BRINP2: variants seen among roughly 807,000 people sequenced by gnomAD.
BRINP2 encodes BMP/retinoic acid-inducible neural-specific protein 2.
A neutral mutation model predicts 69.2 loss-of-function variants in BRINP2; 21 were observed. That is an observed-to-expected ratio of 0.30 (90% CI 0.22 to 0.44). The LOEUF (loss-of-function observed/expected upper bound fraction) is 0.44, where lower values mean the gene tolerates loss of function less well. Among genes scored for constraint, BRINP2 ranks in the 20% least tolerant of loss-of-function variants. BRINP2 has a pLI of 1.00. For missense variants in BRINP2, 877 were observed against 986.0 expected, an observed-to-expected ratio of 0.89 and a Z score of 1.48; for synonymous variants, 380 against 394.1, an observed-to-expected ratio of 0.96 and a Z score of 0.42.
At position 177,230,030 on chromosome 1, in the gene BRINP2, C is replaced by G; in HGVS notation, c.154C>G (p.Gln52Glu). 6.2e-7 allele frequency: 1 copy of G among 1,613,806 alleles called. No individual in the cohort carries two copies. The highest frequency in any genetic ancestry group is 1.1e-5 in the South Asian group (1 of 91,070). ...VPEQHASVAG[Q>E]HPLDWLLTDR... ...CGAGCAGCATGCCTCCGTAGCTGGC[C>G]AGCATCCCCTGGACTGGCTGCTCAC... The change falls in exon 2 of 8, where the codon CAG becomes GAG. Residue 52 changes from glutamine (Q) to glutamate (E), a missense_variant. Physicochemically the swap from Gln to Glu is conservative, Grantham distance 29. Around this residue, in one of 3 missense-constraint regions of BRINP2, gnomAD observed 566 missense variants for 625.2 expected, o/e 0.91. Coordinates refer to ENST00000361539, the MANE Select transcript of BRINP2 (RefSeq NM_021165.4).
intron 1 of BRINP2, among the ~76,000 whole-genome samples, chr1:177,183,025 C>G (rs1490112560): frequency 6.7e-6 from 1 of 149,930 alleles, no homozygotes; most frequent in Non-Finnish European, 1.5e-5. Context: ...GGGCAGCATG[C>G]AAATGCTGTA....
At chr1:177,218,604 G>C (rs146824631) in intron 1 of BRINP2, among the ~76,000 whole-genome samples, 3 of 152,252 alleles carry the variant, frequency 2.0e-5, no homozygotes, top group Non-Finnish European at 4.4e-5. Flanking sequence ...AATGAGGTGA[G>C]AATGGGGTGA....
intron 1 of BRINP2, among the ~76,000 whole-genome samples, chr1:177,175,286 G>C (rs1571879450): frequency 7.1e-6 from 1 of 141,052 alleles, no homozygotes; most frequent in Non-Finnish European, 1.5e-5. Context: ...ATGGAAAAGC[G>C]GGGTGGGGGG....
intron 1 of BRINP2, among the ~76,000 whole-genome samples, chr1:177,199,157 GC>G (rs1648830739): frequency 6.6e-6 from 1 of 152,110 alleles, no homozygotes; most frequent in South Asian, 2.1e-4. Flanking sequence ...TCACCTTATT[GC>G]CCCCAAATGG....
At chr1:177,227,782 A>G (rs1649741513) in intron 1 of BRINP2, among the ~76,000 whole-genome samples, 1 of 152,032 alleles carries the variant, frequency 6.6e-6, no homozygotes, top group Non-Finnish European at 1.5e-5. Flanking sequence ...GCTTTTTTTC[A>G]TATACTAAGT....
At chr1:177,202,381 C>A (rs1212178046) in intron 1 of BRINP2, among the ~76,000 whole-genome samples, 4 of 152,154 alleles carry the variant, frequency 2.6e-5, no homozygotes, top group African/African-American at 7.2e-5. Flanking sequence ...GAATGTGTCC[C>A]AGAGATTCTG....
intron 1 of BRINP2, among the ~76,000 whole-genome samples, chr1:177,196,709 C>T (rs1045852256): frequency 6.6e-6 from 1 of 152,040 alleles, no homozygotes; most frequent in African/African-American, 2.4e-5. Context: ...GCTGTAGTTA[C>T]CTGTTTTAAT....
At chr1:177,200,079 G>A (rs1327721555) in intron 1 of BRINP2, among the ~76,000 whole-genome samples, 4 of 151,938 alleles carry the variant, frequency 2.6e-5, no homozygotes, top group African/African-American at 9.7e-5. Flanking sequence ...ATCATCTGTG[G>A]TCAGGAGTTC....
intron 2 of BRINP2, among the ~76,000 whole-genome samples, chr1:177,236,067 G>A (rs1325482977): frequency 1.3e-5 from 2 of 152,176 alleles, no homozygotes; most frequent in African/African-American, 2.4e-5. Context: ...CTGCAGTTCT[G>A]GTTACAGGCA....
chr1:177,256,910 A>G, intron 3 of BRINP2: 1 of 1,285,222 alleles, frequency 7.8e-7, no homozygotes, highest in Non-Finnish European at 1.0e-6. Flanking sequence ...TGCTTGAGAC[A>G]GAGTTCAATA....
At chr1:177,273,962 A>T (rs1447321306) in intron 5 of BRINP2, among the ~76,000 whole-genome samples, 20 of 152,208 alleles carry the variant, frequency 1.3e-4, no homozygotes, top group Admixed American at 1.3e-3. Context: ...TTTATCCTAA[A>T]GACACATTGA....
rs1649817926 is a variant in BRINP2, at chr1:177,230,042, G to A, written c.166G>A (p.Asp56Asn). Residue 56 changes from aspartate (D) to asparagine (N), a missense_variant, in exon 2 of 8, where the codon GAC (aspartate) becomes AAC (asparagine). Asp to Asn is a conservative substitution (Grantham distance 23). Coordinates refer to ENST00000361539, the MANE Select transcript of BRINP2 (RefSeq NM_021165.4). Reference protein sequence around the residue: ...HASVAGQHPLDWLLTDRGPFH... With the variant: ...HASVAGQHPLNWLLTDRGPFH... ...CTCCGTAGCTGGCCAGCATCCCCTG[G>A]ACTGGCTGCTCACAGACCGGGGCCC... 1.2e-6 allele frequency: 2 copies of A among 1,613,716 alleles called. No homozygotes were observed. The highest frequency in any genetic ancestry group is 2.7e-5 in the African/African-American group (2 of 74,930).
intron 1 of BRINP2, among the ~76,000 whole-genome samples, chr1:177,187,281 C>T (rs980692645): frequency 2.0e-5 from 3 of 152,176 alleles, no homozygotes; most frequent in East Asian, 3.9e-4. Context: ...ACGGCACATC[C>T]AGGCTGGCTG....
At chr1:177,230,808 T>G (rs1375637602) in intron 2 of BRINP2, among the ~76,000 whole-genome samples, 1 of 152,012 alleles carries the variant, frequency 6.6e-6, no homozygotes, top group Non-Finnish European at 1.5e-5. Flanking sequence ...AAAAATAGAG[T>G]GCTCCTCCAC....
chr1:177,216,511 A>G (rs1375430125), intron 1 of BRINP2, among the ~76,000 whole-genome samples: 1 of 152,074 alleles, frequency 6.6e-6, no homozygotes, highest in Non-Finnish European at 1.5e-5. Flanking sequence ...TGTACTAGGG[A>G]TAAAATTACT....
chr1:177,259,083 CAGTT>C (rs1217400525), intron 4 of BRINP2, among the ~76,000 whole-genome samples: 2 of 152,178 alleles, frequency 1.3e-5, no homozygotes, highest in Non-Finnish European at 2.9e-5. Flanking sequence ...TTGCAACAAA[CAGTT>C]AGCCAAGTTG....
chr1:177,204,157 A>AT (rs1649000780), intron 1 of BRINP2, among the ~76,000 whole-genome samples: 2 of 152,250 alleles, frequency 1.3e-5, no homozygotes, highest in Non-Finnish European at 2.9e-5. Context: ...TAGATGTATT[A>AT]TTTTGCCCTT....
intron 4 of BRINP2, among the ~76,000 whole-genome samples, chr1:177,267,670 C>A (rs1571943641): frequency 1.3e-5 from 2 of 152,264 alleles, no homozygotes; most frequent in South Asian, 4.1e-4. Context: ...TCAAAGTCTA[C>A]CCTTAGTTTA....
At chr1:177,231,651 A>G (rs1001603949) in intron 2 of BRINP2, among the ~76,000 whole-genome samples, 2 of 152,224 alleles carry the variant, frequency 1.3e-5, no homozygotes, top group Admixed American at 6.5e-5. Context: ...CTCTCCTTTC[A>G]GGCCATTTTT....
Sources: allele counts gnomAD v4.1 joint callset (sites outside exome capture counted in the v4.1 genomes callset), GRCh38; gene constraint gnomAD v4.1.1; regional missense constraint gnomAD v4.1.1; transcripts MANE v1.5; gene names NCBI Gene and HGNC (gene_info 2026-07-23, HGNC 2026-07-21).